NRG1: variants seen among roughly 807,000 people sequenced by gnomAD.
NRG1 encodes the protein pro-neuregulin-1, membrane-bound isoform.
A neutral mutation model predicts 63.8 loss-of-function variants in NRG1; 18 were observed. The ratio of observed to expected loss-of-function variants is 0.28; its 90% CI spans 0.19 to 0.42. The LOEUF (loss-of-function observed/expected upper bound fraction) is 0.42, where lower values mean the gene tolerates loss of function less well. Among genes scored for constraint, NRG1 ranks in the 10% least tolerant of loss-of-function variants. The probability of loss-of-function intolerance (pLI) is 1.00; values close to 1 mark genes in which losing one functional copy is unlikely to be tolerated. For missense variants in NRG1, 762 were observed against 814.7 expected (o/e 0.94, Z 0.79); for synonymous variants, 302 against 301.3 (o/e 1.00, Z -0.02).
intron 1 of NRG1, among the ~76,000 whole-genome samples, chr8:31,939,139 A>G (rs1280070278): frequency 6.6e-6 from 1 of 152,176 alleles, no homozygotes; most frequent in East Asian, 1.9e-4. Context: ...AAGATGAAGG[A>G]AAGAATCTTA....
intron 1 of NRG1, among the ~76,000 whole-genome samples, chr8:31,998,726 C>T (rs139022802): frequency 2.6e-5 from 4 of 152,068 alleles, no homozygotes; most frequent in African/African-American, 9.6e-5. Context: ...CCTGGGTTCT[C>T]CCCACTCTAC....
At chr8:31,751,965 T>C (rs2131462718) in intron 1 of NRG1, among the ~76,000 whole-genome samples, 1 of 151,988 alleles carries the variant, frequency 6.6e-6, no homozygotes, top group African/African-American at 2.4e-5. Context: ...ACCTATTTGG[T>C]TTTGAACATG....
intron 1 of NRG1, among the ~76,000 whole-genome samples, chr8:31,798,584 A>T (rs1203440557): frequency 1.3e-5 from 2 of 152,190 alleles, no homozygotes; most frequent in Non-Finnish European, 2.9e-5. Flanking sequence ...TTGCTTAGGA[A>T]TCAGTGCCAT....
intron 5 of NRG1, among the ~76,000 whole-genome samples, chr8:32,636,728 A>G (rs1287968612): frequency 6.6e-6 from 1 of 152,224 alleles, no homozygotes; most frequent in African/African-American, 2.4e-5. Flanking sequence ...AGGGGGACAG[A>G]AAAAGCTCTT....
At chr8:32,267,061 A>C (rs1355848942) in intron 1 of NRG1, among the ~76,000 whole-genome samples, 1 of 150,540 alleles carries the variant, frequency 6.6e-6, no homozygotes, top group Non-Finnish European at 1.5e-5. Context: ...AAAAAGAAAG[A>C]AAGAAAAAAA....
At chr8:32,595,916 C>T (rs1843267132) in exon 2 of NRG1, 4 of 1,613,278 alleles carry the variant, frequency 2.5e-6, no homozygotes, top group African/African-American at 1.3e-5. Flanking sequence ...GTTCTGAATA[C>T]TCCTCTCTCA....
chr8:31,671,190 G>T (rs1807105194), intron 1 of NRG1, among the ~76,000 whole-genome samples: 1 of 151,976 alleles, frequency 6.6e-6, no homozygotes, highest in African/African-American at 2.4e-5. Context: ...AACATAACTT[G>T]AGTTTTGAGA....
exon 12 of NRG1, chr8:32,764,143 A>G (rs1294964022): frequency 6.2e-7 from 1 of 1,614,144 alleles, no homozygotes; most frequent in East Asian, 2.2e-5. Flanking sequence ...CCCAATGGCC[A>G]CATTGCTAAC....
intron 1 of NRG1, among the ~76,000 whole-genome samples, chr8:31,825,392 A>G (rs947432518): frequency 1.4e-4 from 21 of 152,200 alleles, no homozygotes; most frequent in African/African-American, 5.1e-4. Flanking sequence ...CATCTCAAAA[A>G]AAAAAAAAAG....
At chr8:32,439,941 A>G (rs1410127956) in intron 1 of NRG1, among the ~76,000 whole-genome samples, 1 of 151,854 alleles carries the variant, frequency 6.6e-6, no homozygotes, top group African/African-American at 2.4e-5. Flanking sequence ...CACACCTGGT[A>G]TATTAGTTTA....
chr8:31,968,457 T>A (rs1806735162), intron 1 of NRG1, among the ~76,000 whole-genome samples: 1 of 152,204 alleles, frequency 6.6e-6, no homozygotes, highest in Admixed American at 6.5e-5. Flanking sequence ...TTATTTGTGT[T>A]TGATTTATTA....
chr8:32,204,689 T>A (rs1843839384), intron 1 of NRG1, among the ~76,000 whole-genome samples: 1 of 152,204 alleles, frequency 6.6e-6, no homozygotes, highest in Non-Finnish European at 1.5e-5. Context: ...CTCAATGGAT[T>A]GTAAGAATAT....
chr8:31,715,596 A>G (rs1002360670), intron 1 of NRG1, among the ~76,000 whole-genome samples: 1 of 152,172 alleles, frequency 6.6e-6, no homozygotes, highest in Non-Finnish European at 1.5e-5. Context: ...TAAATTCTGT[A>G]TTATGAATTT....
chr8:32,638,866 G>T (rs376238628), intron 5 of NRG1, among the ~76,000 whole-genome samples: 1 of 152,110 alleles, frequency 6.6e-6, no homozygotes, highest in Non-Finnish European at 1.5e-5. Context: ...AATGGGATAC[G>T]TCTGCTTCCA....
At chr8:31,867,165 G>A (rs1003813931) in intron 1 of NRG1, among the ~76,000 whole-genome samples, 3 of 152,042 alleles carry the variant, frequency 2.0e-5, no homozygotes, top group East Asian at 3.9e-4. Flanking sequence ...TTCCTGCTTT[G>A]TTTCCTTTTA....
intron 1 of NRG1, among the ~76,000 whole-genome samples, chr8:32,038,855 C>T (rs377241370): frequency 7.9e-5 from 12 of 151,906 alleles, no homozygotes; most frequent in African/African-American, 1.9e-4. Context: ...ATTTTGCTTG[C>T]GTGAAAGAGG....
At chr8:32,306,164 C>G (rs1346214200) in intron 1 of NRG1, among the ~76,000 whole-genome samples, 1 of 152,122 alleles carries the variant, frequency 6.6e-6, no homozygotes, top group African/African-American at 2.4e-5. Context: ...TTAAAGATGG[C>G]CATAATAAGT....
intron 1 of NRG1, among the ~76,000 whole-genome samples, chr8:31,879,590 T>C (rs1830190553): frequency 6.6e-6 from 1 of 152,178 alleles, no homozygotes; most frequent in South Asian, 2.1e-4. Context: ...TTGTGGGTCA[T>C]GTGAAGGTTT....
intron 1 of NRG1, among the ~76,000 whole-genome samples, chr8:32,487,647 A>G (rs912815138): frequency 1.3e-5 from 2 of 152,194 alleles, no homozygotes; most frequent in African/African-American, 2.4e-5. Context: ...CTGTATGCCT[A>G]TTCCCTGGAG....
Sources: allele counts gnomAD v4.1 joint callset (sites outside exome capture counted in the v4.1 genomes callset), GRCh38; gene constraint gnomAD v4.1.1; transcripts MANE v1.5; gene names NCBI Gene and HGNC (gene_info 2026-07-23, HGNC 2026-07-21).